Variants in UGT8 observed in about 807,000 individuals in gnomAD.
UGT8 encodes the protein UDP glycosyltransferase 8, also known as 2-hydroxyacylsphingosine 1-beta-galactosyltransferase.
A neutral mutation model predicts 40.5 loss-of-function variants in UGT8; 12 were observed. The ratio of observed to expected loss-of-function variants is 0.30; its 90% CI spans 0.19 to 0.48. The LOEUF is 0.48. Ranked by LOEUF, UGT8 falls within the 20% of genes least tolerant of loss-of-function variation. The pLI, the probability that UGT8 is intolerant of heterozygous loss-of-function variation, is 0.99. For synonymous variants in UGT8, 224 were observed against 240.4 expected (o/e 0.93, Z 0.63); for missense variants, 513 against 648.7 (o/e 0.79, Z 2.27).
chr4:114,643,358 C>A (rs1204802636), intron 2 of UGT8, among the ~76,000 whole-genome samples: 5 of 152,080 alleles, frequency 3.3e-5, no homozygotes, highest in African/African-American at 1.2e-4. Context: ...TTAGGCAGGA[C>A]TGTCCTTTAA....
At chr4:114,640,123 C>T (rs959552387) in intron 2 of UGT8, among the ~76,000 whole-genome samples, 12 of 151,630 alleles carry the variant, frequency 7.9e-5, no homozygotes, top group South Asian at 4.2e-4. Flanking sequence ...CTCCGCCTCC[C>T]GGGTTCACGC....
intron 4 of UGT8, 143 bp from the exon 5 acceptor site, chr4:114,667,941 CA>C: frequency 7.0e-7 from 1 of 1,430,242 alleles, no homozygotes. Context: ...TGGTGTAGAG[CA>C]GGAATCAGTG....
chr4:114,656,988 A>G (rs1343549557), intron 2 of UGT8: 2 of 318,636 alleles, frequency 6.3e-6, no homozygotes, highest in East Asian at 1.5e-4. Flanking sequence ...TCATTTATCA[A>G]ATAGTGACCC....
chr4:114,643,045 A>G (rs900849122), intron 2 of UGT8, among the ~76,000 whole-genome samples: 5 of 152,118 alleles, frequency 3.3e-5, no homozygotes, highest in African/African-American at 1.2e-4. Flanking sequence ...GGTTCTTATT[A>G]TTTTAATGTT....
At chr4:114,645,478 T>G (rs1733512886) in intron 2 of UGT8, among the ~76,000 whole-genome samples, 1 of 152,190 alleles carries the variant, frequency 6.6e-6, no homozygotes, top group East Asian at 1.9e-4. Flanking sequence ...TTTTGGACAC[T>G]ATAGAGTTAA....
In UGT8 at chr4:114,676,127, T is replaced by C; in HGVS notation, c.1465T>C (p.Tyr489His). 1 of 1,614,244 alleles carries C rather than the reference T, an allele frequency of 6.2e-7. No individual in the cohort carries two copies. Among genetic ancestry groups the C allele is most frequent in the Non-Finnish European group, 8.5e-7 (1 of 1,180,046 alleles). ...GCTTTTGCTTGGTGCTGCCTTGTTATACTTTCTCTTGTCTTGGGTGACAAA... is the reference window on the plus strand; with the variant it reads ...GCTTTTGCTTGGTGCTGCCTTGTTACACTTTCTCTTGTCTTGGGTGACAAA... The part of the protein sequence containing the change: ...FVLLLGAALL[Y>H]FLLSWVTKFI... Residue 489 changes from tyrosine to histidine, a missense_variant, in exon 6 of 6, where the codon TAC becomes CAC. Tyr to His is a moderately conservative substitution (Grantham distance 83). Coordinates refer to ENST00000310836, the MANE Select transcript of UGT8 (RefSeq NM_001128174.3).
At chr4:114,675,814 CT>C in intron 5 of UGT8, 110 bp from the exon 6 acceptor site, 1 of 1,102,604 alleles carries the variant, frequency 9.1e-7, no homozygotes. Flanking sequence ...ATGCAAGGTA[CT>C]TACTAAAGAA....
chr4:114,660,235 C>CA (rs1402767360), intron 2 of UGT8, among the ~76,000 whole-genome samples: 6 of 151,816 alleles, frequency 4.0e-5, no homozygotes, highest in Admixed American at 2.0e-4. Context: ...AAGAAAATTA[C>CA]AAAAAAATAA....
At chr4:114,607,630 A>G (rs1730813012) in intron 1 of UGT8, among the ~76,000 whole-genome samples, 1 of 152,140 alleles carries the variant, frequency 6.6e-6, no homozygotes, top group Admixed American at 6.5e-5. Context: ...GATTTCTTCT[A>G]TACTCTCAAG....
chr4:114,628,034 A>G (rs1732345393), intron 2 of UGT8, among the ~76,000 whole-genome samples: 1 of 152,238 alleles, frequency 6.6e-6, no homozygotes, highest in South Asian at 2.1e-4. Context: ...AGTTAGTGCA[A>G]CAATGTTAAT....
chr4:114,672,130 A>T (rs917500955), intron 5 of UGT8, among the ~76,000 whole-genome samples: 2 of 152,260 alleles, frequency 1.3e-5, no homozygotes, highest in African/African-American at 4.8e-5. Context: ...ATATCATCTC[A>T]TGCCAGTCAG....
At chr4:114,663,964 G>A (rs371979884) in intron 2 of UGT8, 31 bp from the exon 3 acceptor site, 129 of 1,611,078 alleles carry the variant, frequency 8.0e-5, no homozygotes, top group Middle Eastern at 4.9e-4. Flanking sequence ...ATTGGTCTTC[G>A]TAAAACTTAC....
intron 3 of UGT8, 101 bp from the exon 4 acceptor site, chr4:114,665,579 A>T (rs1734808557): frequency 2.4e-6 from 3 of 1,226,038 alleles, no homozygotes; most frequent in Non-Finnish European, 2.1e-6. Context: ...TCAACAAAAG[A>T]TCATCAAACA....
In UGT8 at chr4:114,678,213, G is replaced by T. The variant is rs1245765391; in HGVS notation, c.*1925G>T. 4 of 152,022 alleles carry T rather than the reference G, an allele frequency of 2.6e-5. No homozygotes were observed. The highest frequency in any genetic ancestry group is 5.9e-5 in the Non-Finnish European group (4 of 67,984). The allele number at this position is 152,022 out of a possible 1,614,324, so 9.4% of individuals were successfully genotyped here. ...TGATAAAAACTTAAATAATAAACAT[G>T]ATTTAAAATAGAGAAGTGTTGTTGG... is the stretch of plus-strand genomic sequence containing the variant. On this transcript the variant is annotated 3_prime_UTR_variant, in exon 6 of 6. Transcript: ENST00000310836.
chr4:114,630,512 C>T (rs1249246557), intron 2 of UGT8, among the ~76,000 whole-genome samples: 1 of 152,080 alleles, frequency 6.6e-6, no homozygotes, highest in East Asian at 1.9e-4. Context: ...TCTTATTTTC[C>T]ACATGCTGAG....
chr4:114,616,082 A>G (rs1256274796), intron 1 of UGT8, among the ~76,000 whole-genome samples: 6 of 152,152 alleles, frequency 3.9e-5, no homozygotes, highest in African/African-American at 1.4e-4. Context: ...GCCCGTTCTC[A>G]GATCTCCAGC....
At chr4:114,608,101 C>T (rs1288298045) in intron 1 of UGT8, among the ~76,000 whole-genome samples, 1 of 152,152 alleles carries the variant, frequency 6.6e-6, no homozygotes, top group East Asian at 1.9e-4. Flanking sequence ...AGGATTCTAT[C>T]CTGTTTACCC....
chr4:114,668,224 C>T lies in UGT8; in HGVS notation c.1182C>T (p.Gly394=), dbSNP rs370546030. 1.2e-5 allele frequency: 20 copies of T among 1,613,646 alleles called. No homozygotes were observed. Among genetic ancestry groups the T allele is most frequent in the Middle Eastern group, 3.3e-4 (2 of 6,080 alleles). The change falls in exon 5 of 6, where the codon GGC becomes GGT. Residue 394 remains glycine, a synonymous_variant. Transcript: ENST00000310836. ...YDTMTRVQAK[G]MGILLEWKTV... ...CTATGACCAGAGTACAGGCAAAAGG[C>T]ATGGGGATATTGCTAGAATGGAAGA...
intron 2 of UGT8, among the ~76,000 whole-genome samples, chr4:114,638,013 A>AT (rs747581033): frequency 9.8e-5 from 15 of 152,304 alleles, no homozygotes; most frequent in South Asian, 4.1e-4. Context: ...CCTCTGGCAG[A>AT]TTTTTTTGAA....
Sources: allele counts gnomAD v4.1 joint callset (sites outside exome capture counted in the v4.1 genomes callset), GRCh38; gene constraint gnomAD v4.1.1; transcripts MANE v1.5; gene names NCBI Gene and HGNC (gene_info 2026-07-23, HGNC 2026-07-21).